The following AOPEP variants were observed in gnomAD, a reference collection of about 807,000 sequenced individuals.
AOPEP encodes aminopeptidase O (putative).
Under a neutral mutation model 98.1 loss-of-function variants are expected in AOPEP, and 77 were observed. That is an observed-to-expected ratio of 0.78 (90% CI 0.65 to 0.95). The LOEUF is 0.95. Ranked by LOEUF, AOPEP falls within the 40% of genes least tolerant of loss-of-function variation. AOPEP has a pLI of 0.00. For synonymous variants in AOPEP, 346 were observed against 365.3 expected, an observed-to-expected ratio of 0.95 and a Z score of 0.60; for missense variants, 1,024 against 1,024.7, an observed-to-expected ratio of 1.00 and a Z score of 0.01.
rs1163045765 is a variant in AOPEP, at chr9:95,002,188, C to T, written c.1978-2970C>T. Among the ~76,000 whole-genome samples the T allele has an allele frequency of 2.0e-5, 3 of 152,244 alleles. No homozygotes were observed. In the East Asian group the frequency reaches 5.8e-4, roughly 29 times the overall value. ...TTAAGCATTTTAGTGGTGAAACAAA[C>T]AGGAGGTAATTAGAAAGATATTCAT... On this transcript the variant is annotated intron_variant, in intron 11 of 16. Coordinates refer to ENST00000375315, the MANE Select transcript of AOPEP (RefSeq NM_001193329.3).
chr9:95,041,101 C>T (rs941099736), intron 13 of AOPEP, among the ~76,000 whole-genome samples: 6 of 150,510 alleles, frequency 4.0e-5, no homozygotes, highest in Non-Finnish European at 7.4e-5. Context: ...ATGTGAATTG[C>T]AATAAATAAC....
chr9:94,940,251 C>T (rs1442895658), intron 7 of AOPEP, among the ~76,000 whole-genome samples: 1 of 152,172 alleles, frequency 6.6e-6, no homozygotes, highest in Non-Finnish European at 1.5e-5. Context: ...ACATGCAATC[C>T]ATTTAGAACA....
At chr9:94,802,586 T>G (rs930535275) in intron 5 of AOPEP, among the ~76,000 whole-genome samples, 1 of 152,208 alleles carries the variant, frequency 6.6e-6, no homozygotes, top group African/African-American at 2.4e-5. Context: ...CTCTGTATTT[T>G]TAGAGTGGCA....
intron 13 of AOPEP, among the ~76,000 whole-genome samples, chr9:95,017,319 A>T (rs1265137627): frequency 2.0e-5 from 3 of 152,218 alleles, no homozygotes; most frequent in Admixed American, 6.5e-5. Flanking sequence ...TACTTAGACA[A>T]ACCTAGATGG....
At chr9:95,019,233 T>C (rs1014817521) in intron 13 of AOPEP, 1 of 152,244 alleles carries the variant, frequency 6.6e-6, no homozygotes, top group Non-Finnish European at 1.5e-5. Flanking sequence ...ACCAGTTGTG[T>C]TTCTCAGAGC....
At chr9:94,759,609 A>G (rs1837825464) in intron 1 of AOPEP, 40 bp from the exon 2 acceptor site, 1 of 593,548 alleles carries the variant, frequency 1.7e-6, no homozygotes, top group South Asian at 2.3e-5. Flanking sequence ...CTTAGGTCTT[A>G]TTTGGAATTT....
At chr9:95,101,901 T>C in the AOPEP span, 11 of 1,609,144 alleles carry the variant, frequency 6.8e-6, no homozygotes, top group East Asian at 2.2e-5. Context: ...CCAGACAGAT[T>C]TGTCCTTTGT....
At chr9:95,050,408 A>G (rs1440612879) in intron 13 of AOPEP, among the ~76,000 whole-genome samples, 1 of 152,174 alleles carries the variant, frequency 6.6e-6, no homozygotes, top group Admixed American at 6.5e-5. Flanking sequence ...CACTTTTCAC[A>G]GTTAATCTAG....
At chr9:95,051,992 C>T (rs1211604733) in intron 13 of AOPEP, among the ~76,000 whole-genome samples, 1 of 152,136 alleles carries the variant, frequency 6.6e-6, no homozygotes, top group Admixed American at 6.5e-5. Flanking sequence ...CGTGAGCCAC[C>T]GTGCCTGGCC....
chr9:94,739,864 A>G (rs1171216581), intron 1 of AOPEP, among the ~76,000 whole-genome samples: 4 of 152,082 alleles, frequency 2.6e-5, no homozygotes, highest in Non-Finnish European at 5.9e-5. Context: ...TCAGGAAAGA[A>G]CCACGAGAGC....
At chr9:94,920,573 A>G (rs2053476470) in intron 5 of AOPEP, among the ~76,000 whole-genome samples, 1 of 152,180 alleles carries the variant, frequency 6.6e-6, no homozygotes, top group Non-Finnish European at 1.5e-5. Context: ...AAAAAGCACA[A>G]ATAAATCAAA....
rs1020950552 is a variant in AOPEP, at chr9:94,962,805, T to G, written c.1873-4953T>G. On this transcript the variant is annotated intron_variant, in intron 9 of 16. Coordinates refer to ENST00000375315, the MANE Select transcript of AOPEP (RefSeq NM_001193329.3). Reference sequence around the variant, plus strand: ...TGGAGTGCAGTGGCGTGATCTCGGCTCACTGCAAGCTCTGCCTTGTGGGTT... The same window carrying G: ...TGGAGTGCAGTGGCGTGATCTCGGCGCACTGCAAGCTCTGCCTTGTGGGTT... 5.3e-5 allele frequency among the ~76,000 whole-genome samples: 8 copies of G among 149,608 alleles called. No individual in the cohort carries two copies. The East Asian group carries it at 1.4e-3, about 26-fold the overall frequency.
intron 13 of AOPEP, among the ~76,000 whole-genome samples, chr9:95,041,446 G>GGGTGTGTGT (rs1554813291): frequency 6.3e-5 from 9 of 142,012 alleles, no homozygotes; most frequent in Admixed American, 2.1e-4. Context: ...AGTCCTTGGG[G>GGGTGTGTGT]GTGTGTGTGT....
chr9:94,794,086 T>A (rs1433978270), intron 4 of AOPEP, among the ~76,000 whole-genome samples: 1 of 152,222 alleles, frequency 6.6e-6, no homozygotes, highest in Non-Finnish European at 1.5e-5. Context: ...CAGGGCTTTG[T>A]TAACATCAGT....
intron 9 of AOPEP, among the ~76,000 whole-genome samples, chr9:94,960,878 G>A (rs1460968722): frequency 1.3e-5 from 2 of 152,046 alleles, no homozygotes; most frequent in African/African-American, 2.4e-5. Flanking sequence ...CGGGCGCGGT[G>A]GGGGGCGCCT....
At chr9:94,831,850 A>AC (rs1458328390) in intron 5 of AOPEP, among the ~76,000 whole-genome samples, 7 of 151,942 alleles carry the variant, frequency 4.6e-5, no homozygotes, top group Non-Finnish European at 7.4e-5. Context: ...AGAACTACAA[A>AC]CCACTGCTCA....
intron 5 of AOPEP, chr9:94,900,516 C>T (rs2050250425): frequency 6.6e-6 from 1 of 152,258 alleles, no homozygotes; most frequent in African/African-American, 2.4e-5. Context: ...CATGCTTCCC[C>T]CTCTCTCAGG....
the AOPEP span, among the ~76,000 whole-genome samples, chr9:95,148,265 CAAAA>C: frequency 3.6e-3 from 554 of 152,220 alleles, 1 homozygote; most frequent in Non-Finnish European, 3.5e-3. Context: ...TGCTTCATAA[CAAAA>C]AAAGACGGTT....
chr9:94,844,688 G>T (rs936316022), intron 5 of AOPEP, among the ~76,000 whole-genome samples: 1 of 152,084 alleles, frequency 6.6e-6, no homozygotes, highest in Admixed American at 6.5e-5. Flanking sequence ...GACACATATC[G>T]AATAGCCACT....
Sources: allele counts gnomAD v4.1 joint callset (sites outside exome capture counted in the v4.1 genomes callset), GRCh38; gene constraint gnomAD v4.1.1; transcripts MANE v1.5; gene names NCBI Gene and HGNC (gene_info 2026-07-23, HGNC 2026-07-21).